PDGFRA: variants seen among roughly 807,000 people sequenced by gnomAD.
PDGFRA encodes the protein platelet-derived growth factor receptor alpha.
Under a neutral mutation model 121.5 loss-of-function variants are expected in PDGFRA, and 25 were observed. The ratio of observed to expected loss-of-function variants is 0.21; its 90% CI spans 0.15 to 0.29. The LOEUF (loss-of-function observed/expected upper bound fraction) is 0.29, where lower values mean the gene tolerates loss of function less well. Ranked by LOEUF, PDGFRA falls within the 10% of genes least tolerant of loss-of-function variation. PDGFRA has a pLI of 1.00. For missense variants in PDGFRA, 1,008 were observed against 1,345.1 expected (o/e 0.75, Z 3.92); for synonymous variants, 463 against 494.8 (o/e 0.94, Z 0.85).
At chr4:54,270,047 C>T (rs965192365) in intron 7 of PDGFRA, among the ~76,000 whole-genome samples, 1 of 152,100 alleles carries the variant, frequency 6.6e-6, no homozygotes, top group Non-Finnish European at 1.5e-5. Flanking sequence ...TACTCCTGTC[C>T]CCAGCTGCCC....
At chr4:54,281,171 C>T (rs1055604808) in intron 16 of PDGFRA, among the ~76,000 whole-genome samples, 3 of 152,188 alleles carry the variant, frequency 2.0e-5, no homozygotes, top group African/African-American at 4.8e-5. Flanking sequence ...GATCACTTCA[C>T]ATCTGCTCAG....
chr4:54,239,005 G>T (rs138519079), intron 1 of PDGFRA, among the ~76,000 whole-genome samples: 2 of 152,072 alleles, frequency 1.3e-5, no homozygotes, highest in East Asian at 3.9e-4. Flanking sequence ...AAATAAGCCA[G>T]CAAAACCAGA....
At chr4:54,272,667 C>A (rs1723471712) in intron 9 of PDGFRA, 147 bp downstream of exon 9, 1 of 852,762 alleles carries the variant, frequency 1.2e-6, no homozygotes, top group Non-Finnish European at 1.9e-6. Flanking sequence ...TCATGAATAG[C>A]TGTGAGAAGA....
In PDGFRA at chr4:54,295,729, C is replaced by T. The variant is rs1384037044; in HGVS notation, c.*457C>T. On this transcript the variant is annotated 3_prime_UTR_variant, in exon 23 of 23. Coordinates refer to ENST00000257290, the MANE Select transcript of PDGFRA (RefSeq NM_006206.6). ...CCATCCATGTACTTCCCTCTTGAAA[C>T]CTGATGTCAGCTGCTGTTGAACTTT... The T allele has an allele frequency of 2.0e-5, 5 of 250,356 alleles. No homozygotes were observed. The highest frequency in any genetic ancestry group is 3.9e-5 in the Non-Finnish European group (5 of 127,808). The allele number at this position is 250,356 out of a possible 1,614,324, so 15.5% of individuals were successfully genotyped here. A position where few individuals can be genotyped will look rare whatever the true frequency, so the allele number is the denominator to read the frequency against.
At chr4:54,291,005 A>T (rs1347182857) in intron 22 of PDGFRA, among the ~76,000 whole-genome samples, 2 of 152,212 alleles carry the variant, frequency 1.3e-5, no homozygotes, top group African/African-American at 4.8e-5. Flanking sequence ...CTGATCTACA[A>T]GCCTCACCCA....
At chr4:54,248,486 A>G (rs1448572694) in intron 1 of PDGFRA, among the ~76,000 whole-genome samples, 1 of 152,250 alleles carries the variant, frequency 6.6e-6, no homozygotes, top group East Asian at 1.9e-4. Context: ...TATTTAATAA[A>G]TGGTGCTGGG....
At chr4:54,277,298 A>G (rs1723786059) in intron 12 of PDGFRA, 90 bp from the exon 13 acceptor site, 6 of 873,602 alleles carry the variant, frequency 6.9e-6, no homozygotes, top group Non-Finnish European at 9.9e-6. Flanking sequence ...ACACTCGCCC[A>G]GCTGTCCGCC....
At chr4:54,251,657 T>C (rs1450043028) in intron 1 of PDGFRA, among the ~76,000 whole-genome samples, 2 of 152,186 alleles carry the variant, frequency 1.3e-5, no homozygotes, top group South Asian at 2.1e-4. Flanking sequence ...GCAGTCTCTG[T>C]ATGGGGTTCC....
At position 54,289,009 on chromosome 4, in the gene PDGFRA, C is replaced by T. The variant is rs1577746412; in HGVS notation, c.2775C>T (p.Val925=). ...CCACTCTTGAGTTCTGTCCCCACAG[C>T]TACGAGATCATGGTGAAATGCTGGA... ...MAKPDHATSE[V]YEIMVKCWNS... is the part of the protein sequence containing the mutation. Residue 925 remains valine, a splice_region_variant and synonymous_variant, in exon 21 of 23, where the codon GTC becomes GTT. Transcript: ENST00000257290. The T allele has an allele frequency of 6.2e-7, 1 of 1,601,260 alleles. No individual in the cohort carries two copies. Among genetic ancestry groups the T allele is most frequent in the Non-Finnish European group, 8.6e-7 (1 of 1,168,218 alleles).
At chr4:54,237,269 C>T (rs763873453) in intron 1 of PDGFRA, among the ~76,000 whole-genome samples, 51 of 152,184 alleles carry the variant, frequency 3.4e-4, no homozygotes, top group Non-Finnish European at 1.8e-4. Flanking sequence ...CACGCCCGGC[C>T]TCATTGGCCA....
rs375434317 is a variant in PDGFRA, at chr4:54,278,511, C to T, written c.2152C>T (p.Arg718Trp). The change falls in exon 15 of 23, where the codon CGG becomes TGG. Residue 718 changes from arginine to tryptophan, a missense_variant. Transcript: ENST00000257290. ...FGLNPADESTRSYVILSFENN... is the reference protein window; with the variant it reads ...FGLNPADESTWSYVILSFENN... ...ATTGAACCCTGCTGATGAAAGCACA[C>T]GGAGGTGGGTGCAAAGAGAGATGTT... 1.2e-5 allele frequency: 20 copies of T among 1,613,798 alleles called. No homozygotes were observed. The highest frequency in any genetic ancestry group is 4.5e-5 in the East Asian group (2 of 44,868).
rs139582170 is a variant in PDGFRA at position 54,286,514 on chromosome 4, G to T, written c.2562+551G>T. ...TGGGATTACAGGCATGCACCACCAT[G>T]TTCAGCTAATTTTTGTATTTTTAGT... On this transcript the variant is annotated intron_variant, in intron 18 of 22. Coordinates refer to ENST00000257290, the MANE Select transcript of PDGFRA (RefSeq NM_006206.6). 3.9e-3 allele frequency among the ~76,000 whole-genome samples: 595 copies of T among 151,936 alleles called. 1 individual carries two copies. The highest frequency in any genetic ancestry group is 6.3e-3 in the Non-Finnish European group (431 of 67,940).
At chr4:54,246,423 C>T (rs1050561274) in intron 1 of PDGFRA, among the ~76,000 whole-genome samples, 1 of 152,198 alleles carries the variant, frequency 6.6e-6, no homozygotes, top group Non-Finnish European at 1.5e-5. Context: ...TCACTGAAAA[C>T]TGCTCAACTA....
At chr4:54,231,030 T>G (rs1720633408) in intron 1 of PDGFRA, among the ~76,000 whole-genome samples, 1 of 152,200 alleles carries the variant, frequency 6.6e-6, no homozygotes, top group Non-Finnish European at 1.5e-5. Flanking sequence ...GTGCGAGAGC[T>G]GCCGATGGCC....
At chr4:54,256,553 T>G (rs1210337755) in intron 1 of PDGFRA, among the ~76,000 whole-genome samples, 1 of 151,894 alleles carries the variant, frequency 6.6e-6, no homozygotes, top group Non-Finnish European at 1.5e-5. Flanking sequence ...AAATAATTTT[T>G]TTTTTTTTTG....
rs2110279428 is a variant in PDGFRA, at chr4:54,270,657, C to T, written c.1146C>T (p.Ile382=). The T allele has an allele frequency of 1.2e-6, 2 of 1,609,450 alleles. No individual in the cohort carries two copies. Among genetic ancestry groups the T allele is most frequent in the Non-Finnish European group, 1.7e-6 (2 of 1,175,976 alleles). The change falls in exon 8 of 23, where the codon ATC becomes ATT. Residue 382 remains isoleucine (I), a synonymous_variant. Coordinates refer to ENST00000257290, the MANE Select transcript of PDGFRA (RefSeq NM_006206.6). ...EIRYRSKLKL[I]RAKEEDSGHY... is the part of the protein sequence containing the mutation. The stretch of plus-strand genomic sequence containing the variant: ...GGTATCGAAGCAAATTAAAGCTGAT[C>T]CGTGCTAAGGAAGAAGACAGTGGCC...
rs547745847 is a variant in PDGFRA at position 54,265,391 on chromosome 4, G to A, written c.759+342G>A. The A allele has an allele frequency of 2.0e-4, 65 of 327,838 alleles. 1 individual carries two copies. The East Asian group carries it at 2.6e-3, about 13-fold the overall frequency. 20.3% of individuals were successfully genotyped at this position (327,838 alleles called of 1,614,324 possible). On this transcript the variant is annotated intron_variant, in intron 5 of 22. Coordinates refer to ENST00000257290, the MANE Select transcript of PDGFRA (RefSeq NM_006206.6). ...AAAAACCACTGGATTTTACTATTGC[G>A]GAGACAGTGATTGATTCTCATCGTC...
Position 54,267,555 on chromosome 4 carries a change from A to G in PDGFRA, c.935A>G (p.Lys312Arg). 1.2e-6 allele frequency: 2 copies of G among 1,614,194 alleles called. No individual in the cohort carries two copies. Among genetic ancestry groups the G allele is most frequent in the Non-Finnish European group, 1.7e-6 (2 of 1,180,010 alleles). Residue 312 changes from lysine to arginine, a missense_variant, in exon 7 of 23, where the codon AAA (lysine) becomes AGA (arginine). By Grantham distance (26) the Lys-to-Arg change is conservative (BLOSUM62 2). This residue lies in a region of PDGFRA where 575 missense variants were observed against 701.8 expected (regional missense o/e 0.82). Coordinates refer to ENST00000257290, the MANE Select transcript of PDGFRA (RefSeq NM_006206.6). ...MKKVTISVHE[K>R]GFIEIKPTFS... ...ATGGAAACTCTTCCCTGTACAGAGA[A>G]AGGTTTCATTGAAATCAAACCCACC...
At chr4:54,245,061 G>T (rs918050185) in intron 1 of PDGFRA, among the ~76,000 whole-genome samples, 1 of 152,184 alleles carries the variant, frequency 6.6e-6, no homozygotes, top group Non-Finnish European at 1.5e-5. Context: ...AGAAATATGG[G>T]ACTATGTGAA....
Sources: gnomAD v4.1 joint callset for allele counts (sites outside exome capture counted in the v4.1 genomes callset) on GRCh38, gnomAD v4.1.1 for gene constraint, gnomAD v4.1.1 regional missense constraint, MANE v1.5 for transcripts, NCBI Gene and HGNC (gene_info 2026-07-23, HGNC 2026-07-21) for gene names.